The following AXDND1 variants were observed in gnomAD, a reference collection of about 807,000 sequenced individuals.
AXDND1 encodes axonemal dynein light chain domain containing 1, also known as axonemal dynein light chain domain-containing protein 1.
AXDND1 carries 110 observed loss-of-function variants against 137.5 expected under a neutral mutation model. The observed-to-expected ratio is 0.80, with a 90% CI of 0.69 to 0.94. The LOEUF (loss-of-function observed/expected upper bound fraction) is 0.94. Ranked by LOEUF, AXDND1 falls within the 40% of genes least tolerant of loss-of-function variation. The probability of loss-of-function intolerance (pLI) is 0.00; values close to 1 mark genes in which losing one functional copy is unlikely to be tolerated. For synonymous variants in AXDND1, 414 were observed against 399.7 expected, an observed-to-expected ratio of 1.04 and a Z score of -0.43; for missense variants, 1,191 against 1,169.8, an observed-to-expected ratio of 1.02 and a Z score of -0.26.
intron 3 of AXDND1, among the ~76,000 whole-genome samples, chr1:179,369,582 G>C (rs1667824138): frequency 6.6e-6 from 1 of 152,070 alleles, no homozygotes; most frequent in African/African-American, 2.4e-5. Context: ...AACCCGGGAG[G>C]CAGAGGTTGC....
intron 24 of AXDND1, among the ~76,000 whole-genome samples, chr1:179,534,312 G>A (rs72704475): frequency 1.8e-3 from 275 of 152,302 alleles, no homozygotes; most frequent in Non-Finnish European, 3.6e-3. Context: ...TAGTAGCTAA[G>A]AAGCACATCT....
chr1:179,401,734 A>G (rs113297603), intron 11 of AXDND1, among the ~76,000 whole-genome samples: 1 of 152,048 alleles, frequency 6.6e-6, no homozygotes, highest in South Asian at 2.1e-4. Flanking sequence ...TGATTGTTTT[A>G]TAAGGGGAAA....
chr1:179,382,002 C>T (rs1400948569), intron 6 of AXDND1, among the ~76,000 whole-genome samples: 2 of 146,844 alleles, frequency 1.4e-5, no homozygotes, highest in Non-Finnish European at 3.0e-5. Context: ...CCATGTTGGC[C>T]AGGCTGGTCT....
chr1:179,407,389 G>A (rs4345774), intron 11 of AXDND1, among the ~76,000 whole-genome samples: 44,554 of 151,528 alleles, frequency 0.29, 6,760 homozygotes, highest in Non-Finnish European at 0.31. Context: ...CACCATGACC[G>A]GCTAATTTTT....
At chr1:179,552,479 G>T in intron 25 of AXDND1, 1 of 760,488 alleles carries the variant, frequency 1.3e-6, no homozygotes, top group Non-Finnish European at 2.3e-6. Context: ...TAATAGAGTT[G>T]TAAGGGCCCA....
chr1:179,518,215 G>A (rs1240275292), intron 21 of AXDND1, among the ~76,000 whole-genome samples: 2 of 152,090 alleles, frequency 1.3e-5, no homozygotes, highest in African/African-American at 4.8e-5. Context: ...TGGTTAATAT[G>A]AACAGGGCTG....
At chr1:179,494,479 C>T (rs1305211063) in intron 20 of AXDND1, among the ~76,000 whole-genome samples, 2 of 149,566 alleles carry the variant, frequency 1.3e-5, no homozygotes, top group Non-Finnish European at 3.0e-5. Flanking sequence ...TTTTTTTTCT[C>T]GATACCAAGT....
At chr1:179,541,201 G>T (rs930244919) in intron 25 of AXDND1, among the ~76,000 whole-genome samples, 1 of 152,168 alleles carries the variant, frequency 6.6e-6, no homozygotes, top group African/African-American at 2.4e-5. Flanking sequence ...TAGTATTTTG[G>T]CAAGAGTGTA....
intron 4 of AXDND1, among the ~76,000 whole-genome samples, chr1:179,377,502 A>G (rs748905876): frequency 7.2e-5 from 11 of 152,078 alleles, no homozygotes; most frequent in Non-Finnish European, 1.0e-4. Context: ...AGAGTCAATG[A>G]CTCAAGATTC....
Position 179,525,420 on chromosome 1 carries a change from G to C in AXDND1, c.2583G>C (p.Gln861His). 1 of 1,611,166 alleles carries C rather than the reference G, an allele frequency of 6.2e-7. No homozygotes were observed. The highest frequency in any genetic ancestry group is 8.5e-7 in the Non-Finnish European group (1 of 1,178,318). ...AAAGTAAGGAGGATAGGAAACTTCA[G>C]GAGGAAAATAAAGAGAGAGCAGAAG... ...EEESKEDRKL[Q>H]EENKERAEEQ... Residue 861 changes from glutamine (Q) to histidine (H), a missense_variant, in exon 22 of 26, where the codon CAG becomes CAC. Transcript: ENST00000367618.
intron 17 of AXDND1, among the ~76,000 whole-genome samples, chr1:179,479,506 G>T (rs950742835): frequency 9.3e-5 from 14 of 150,414 alleles, no homozygotes; most frequent in African/African-American, 3.4e-4. Flanking sequence ...GGCTGGGTGT[G>T]GTGGCTCATG....
chr1:179,402,838 A>G (rs4651025), intron 11 of AXDND1, among the ~76,000 whole-genome samples: 97,738 of 152,000 alleles, frequency 0.64, 31,805 homozygotes, highest in Middle Eastern at 0.7. Context: ...TCTCATCCTT[A>G]CCATGCCACT....
intron 25 of AXDND1, among the ~76,000 whole-genome samples, chr1:179,536,416 A>G (rs1671566700): frequency 6.6e-6 from 1 of 152,220 alleles, no homozygotes; most frequent in African/African-American, 2.4e-5. Context: ...ATCCAGTTTC[A>G]GCTTTCTGCA....
Position 179,395,102 on chromosome 1 carries a change from C to A in AXDND1, c.1009C>A (p.Leu337Met). ...AATTTCTTTGCTTTATTTCAGGGAA[C>A]TGTGTCTAGTTCGGGCACATGATGT... ...KHVIEELTRE[L>M]CLVRAHDVKL... is the part of the protein sequence containing the mutation. Residue 337 changes from leucine (L) to methionine (M), a missense_variant, in exon 11 of 26, where the codon CTG becomes ATG. Physicochemically the swap from Leu to Met is conservative, Grantham distance 15. Coordinates refer to ENST00000367618, the MANE Select transcript of AXDND1 (RefSeq NM_144696.6). 1 of 1,604,858 alleles carries A rather than the reference C, an allele frequency of 6.2e-7. No homozygotes were observed. Among genetic ancestry groups the A allele is most frequent in the Non-Finnish European group, 8.5e-7 (1 of 1,176,980 alleles).
intron 12 of AXDND1, among the ~76,000 whole-genome samples, chr1:179,413,487 G>A (rs4652378): frequency 0.33 from 50,269 of 152,022 alleles, 8,754 homozygotes; most frequent in Middle Eastern, 0.43. Flanking sequence ...TTACAAGTGA[G>A]AACATGCAGT....
intron 16 of AXDND1, among the ~76,000 whole-genome samples, chr1:179,465,621 C>A (rs1663032963): frequency 6.6e-6 from 1 of 152,196 alleles, no homozygotes; most frequent in Admixed American, 6.5e-5. Context: ...AAACTCTGTG[C>A]TGGGAGAACC....
Position 179,491,543 on chromosome 1 carries a change from T to G in AXDND1, c.2097T>G (p.Asp699Glu). Reference sequence around the variant, plus strand: ...TTATACTCATTTTTTAACAGATGGATGAGTTACATATATCTATGATCCAGT... The same window carrying G: ...TTATACTCATTTTTTAACAGATGGAGGAGTTACATATATCTATGATCCAGT... ...NGNIELQHHM[D>E]ELHISMIQWM... The change falls in exon 19 of 26, where the codon GAT (aspartate) becomes GAG (glutamate). Residue 699 changes from aspartate (D) to glutamate (E), a missense_variant. Asp to Glu is a conservative substitution (Grantham distance 45, BLOSUM62 2). Transcript: ENST00000367618. 1.3e-6 allele frequency: 2 copies of G among 1,595,144 alleles called. No homozygotes were observed. Among genetic ancestry groups the G allele is most frequent in the Non-Finnish European group, 1.7e-6 (2 of 1,164,866 alleles).
At chr1:179,544,650 G>A (rs910932572) in intron 25 of AXDND1, 3 of 127,852 alleles carry the variant, frequency 2.3e-5, no homozygotes, top group African/African-American at 8.6e-5. Flanking sequence ...CTCCAACCTG[G>A]GCAACAGAGC....
chr1:179,432,800 G>T (rs535440480), intron 15 of AXDND1, among the ~76,000 whole-genome samples: 1 of 152,212 alleles, frequency 6.6e-6, no homozygotes, highest in Non-Finnish European at 1.5e-5. Flanking sequence ...GCTACTTAGA[G>T]GCTGAGGCAG....
Sources: allele counts gnomAD v4.1 joint callset (sites outside exome capture counted in the v4.1 genomes callset), GRCh38; gene constraint gnomAD v4.1.1; transcripts MANE v1.5; gene names NCBI Gene and HGNC (gene_info 2026-07-23, HGNC 2026-07-21).